Variants in FER1L5 observed in about 807,000 individuals in gnomAD.
FER1L5 encodes fer-1 like family member 5.
FER1L5 carries 187 observed loss-of-function variants against 279.9 expected under a neutral mutation model. The observed-to-expected ratio is 0.67, with a 90% CI of 0.59 to 0.75. FER1L5 has a LOEUF of 0.75. FER1L5 is among the 30% of genes least tolerant of loss of function. The probability of loss-of-function intolerance (pLI) is 0.00; values close to 1 mark genes in which losing one functional copy is unlikely to be tolerated. For synonymous variants in FER1L5, 921 were observed against 989.7 expected, an observed-to-expected ratio of 0.93 and a Z score of 1.30; for missense variants, 2,091 against 2,594.4, an observed-to-expected ratio of 0.81 and a Z score of 4.21.
chr2:96,658,111 G>A (rs2075671391), intron 9 of FER1L5, among the ~76,000 whole-genome samples: 1 of 151,766 alleles, frequency 6.6e-6, no homozygotes, highest in Admixed American at 6.6e-5. Flanking sequence ...CCCCCTCCTG[G>A]GTTCACATGA....
At chr2:96,664,627 A>G (rs756286590) in intron 14 of FER1L5, among the ~76,000 whole-genome samples, 5 of 152,200 alleles carry the variant, frequency 3.3e-5, no homozygotes, top group African/African-American at 4.8e-5. Flanking sequence ...GGCTGTTACA[A>G]TGAAGCTGTA....
chr2:96,659,290 T>TGCCTGCCTGCCTGCCTTCC (rs2075732527), intron 9 of FER1L5, among the ~76,000 whole-genome samples: 6 of 80,942 alleles, frequency 7.4e-5, no homozygotes, highest in African/African-American at 2.5e-4. Flanking sequence ...TTTATCAAGC[T>TGCCTGCCTGCCTGCCTTCC]TTCCTTCCTT....
At chr2:96,659,501 C>CT (rs1323466595) in intron 9 of FER1L5, among the ~76,000 whole-genome samples, 1 of 47,780 alleles carries the variant, frequency 2.1e-5, no homozygotes, top group Non-Finnish European at 3.3e-5. Flanking sequence ...TTCTTTCTTT[C>CT]TTTCTTTCGA....
At chr2:96,654,174 G>A (rs552589764) in intron 8 of FER1L5, 15 of 332,908 alleles carry the variant, frequency 4.5e-5, no homozygotes, top group African/African-American at 2.5e-4. Flanking sequence ...AATGGATAAC[G>A]TTGAGTGCAA....
Position 96,691,526 on chromosome 2 carries a change from C to T in FER1L5, c.2989C>T (p.Arg997Trp), listed in dbSNP as rs954217634. Residue 997 changes from arginine to tryptophan, a missense_variant, in exon 29 of 53, where the codon CGG (arginine) becomes TGG (tryptophan). Physicochemically the swap from Arg to Trp is moderately radical, Grantham distance 101 (BLOSUM62 -3). Transcript: ENST00000624922. The surrounding 1 kb of genome is among the most constrained non-coding windows in gnomAD (Gnocchi z 6.0). ...KFHLNPQPQSRFRRRCWRRRL... is the reference protein window; with the variant it reads ...KFHLNPQPQSWFRRRCWRRRL... Reference sequence around the variant, plus strand: ...CCACCTCAACCCTCAGCCCCAGAGCCGGTTCCGCCGCCGCTGCTGGCGCCG... The same window carrying T: ...CCACCTCAACCCTCAGCCCCAGAGCTGGTTCCGCCGCCGCTGCTGGCGCCG... 48 of 1,550,114 alleles carry T rather than the reference C, an allele frequency of 3.1e-5. No individual in the cohort carries two copies. The highest frequency in any genetic ancestry group is 4.1e-5 in the African/African-American group (3 of 73,000).
intron 19 of FER1L5, among the ~76,000 whole-genome samples, chr2:96,676,879 C>T (rs376940617): frequency 1.3e-5 from 2 of 151,896 alleles, no homozygotes; most frequent in African/African-American, 4.8e-5. Context: ...ATTTTTGGGA[C>T]GGAGTCTCAC....
chr2:96,696,164 C>G, intron 37 of FER1L5, 87 bp downstream of exon 37: 3 of 1,556,960 alleles, frequency 1.9e-6, no homozygotes, highest in Non-Finnish European at 2.6e-6. Context: ...ATTAAACAGT[C>G]TGGATACCCG....
chr2:96,698,819 A>G lies in FER1L5; in HGVS notation c.4505A>G (p.Asp1502Gly). ...CGAGCCATCAACCTGCAGCCCCAGG[A>G]CTACAATGGCCTGGTAAAGAACAGT... ...MVRAINLQPQDYNGLCDPYVI... is the reference protein window; with the variant it reads ...MVRAINLQPQGYNGLCDPYVI... The change falls in exon 41 of 53, where the codon GAC becomes GGC. Residue 1502 changes from aspartate (D) to glycine (G), a missense_variant. Coordinates refer to ENST00000624922, the MANE Select transcript of FER1L5 (RefSeq NM_001293083.2). The surrounding 1 kb of genome is among the most constrained non-coding windows in gnomAD (Gnocchi z 5.5). 1 of 1,562,478 alleles carries G rather than the reference A, an allele frequency of 6.4e-7. No homozygotes were observed. Among genetic ancestry groups the G allele is most frequent in the Non-Finnish European group, 8.7e-7 (1 of 1,153,502 alleles).
chr2:96,672,732 G>A (rs1217324467), intron 18 of FER1L5, among the ~76,000 whole-genome samples: 1 of 152,070 alleles, frequency 6.6e-6, no homozygotes, highest in Non-Finnish European at 1.5e-5. Flanking sequence ...TCTTCTGGGG[G>A]AAAGGGTTTA....
chr2:96,647,153 A>C lies in FER1L5; in HGVS notation c.228A>C (p.Glu76Asp). ...TLQDMGSQKKERFIGLATVLL... is the reference protein window; with the variant it reads ...TLQDMGSQKKDRFIGLATVLL... ...AGGACATGGGCTCACAAAAGAAAGA[A>C]AGGTGAGGCAGAGAGAGGCAGGAGG... Residue 76 changes from glutamate (E) to aspartate (D), a missense_variant and splice_region_variant, in exon 3 of 53, where the codon GAA (glutamate) becomes GAC (aspartate). Physicochemically the swap from Glu to Asp is conservative, Grantham distance 45. Coordinates refer to ENST00000624922, the MANE Select transcript of FER1L5 (RefSeq NM_001293083.2). 1.3e-6 allele frequency: 2 copies of C among 1,551,652 alleles called. No individual in the cohort carries two copies. The highest frequency in any genetic ancestry group is 1.7e-6 in the Non-Finnish European group (2 of 1,146,960).
At chr2:96,703,754 G>T in intron 51 of FER1L5, 122 bp downstream of exon 51, 2 of 741,750 alleles carry the variant, frequency 2.7e-6, no homozygotes, top group Non-Finnish European at 2.2e-6. Flanking sequence ...TCTGTGCTCA[G>T]TTACAATCAG....
intron 9 of FER1L5, among the ~76,000 whole-genome samples, chr2:96,657,919 G>T (rs576098885): frequency 3.9e-5 from 6 of 152,270 alleles, no homozygotes; most frequent in East Asian, 3.9e-4. Flanking sequence ...AAACATTTGT[G>T]TACAAATCTG....
At chr2:96,655,142 G>A (rs913809615) in intron 9 of FER1L5, among the ~76,000 whole-genome samples, 2 of 152,144 alleles carry the variant, frequency 1.3e-5, no homozygotes, top group African/African-American at 4.8e-5. Flanking sequence ...TCTGCCTCCA[G>A]GAAGTAGAAG....
Position 96,689,198 on chromosome 2 carries a change from G to A in FER1L5, c.2362-15G>A. ...CTAGAGGAGGCGGCCGCCCTGACAA[G>A]CTTCCCTCCCCTAGTATGAGAATCA... On this transcript the variant is annotated splice_polypyrimidine_tract_variant and intron_variant, in intron 24 of 52. Transcript: ENST00000624922. The surrounding 1 kb of genome is among the most constrained non-coding windows in gnomAD (Gnocchi z 4.6). The A allele has an allele frequency of 1.3e-6, 2 of 1,548,996 alleles. No homozygotes were observed. Among genetic ancestry groups the A allele is most frequent in the African/African-American group, 2.7e-5 (2 of 73,040 alleles).
chr2:96,703,194 C>T lies in FER1L5; in HGVS notation c.5539C>T (p.Arg1847Trp), dbSNP rs895822949. 4.3e-6 allele frequency: 7 copies of T among 1,613,290 alleles called. No homozygotes were observed. Among genetic ancestry groups the T allele is most frequent in the South Asian group, 2.2e-5 (2 of 90,960 alleles). The change falls in exon 50 of 53, where the codon CGG becomes TGG. Residue 1847 changes from arginine to tryptophan, a missense_variant. By Grantham distance (101) the Arg-to-Trp change is moderately radical. Transcript: ENST00000624922. ...LDLSDMPLPA[R>W]HAKQCSIRMM... ...TTTGTCTGACATGCCCCTCCCGGCT[C>T]GGCACGCCAAGCAGTGCTCCATCAG...
At chr2:96,681,681 A>G (rs1025016722) in intron 19 of FER1L5, among the ~76,000 whole-genome samples, 9 of 152,294 alleles carry the variant, frequency 5.9e-5, no homozygotes, top group African/African-American at 2.2e-4. Context: ...GGGTATAGTC[A>G]TAGCTCATTC....
chr2:96,673,126 G>A lies in FER1L5; in HGVS notation c.1541G>A (p.Cys514Tyr). 1 of 1,551,568 alleles carries A rather than the reference G, an allele frequency of 6.4e-7. No individual in the cohort carries two copies. Among genetic ancestry groups the A allele is most frequent in the African/African-American group, 1.4e-5 (1 of 73,116 alleles). ...GGGCTGTGCGTCATCTTCCTTTCCT[G>A]TACCATGATGCCCAACTTTAAAGAG... ...KYGLCVIFLS[C>Y]TMMPNFKELI... The change falls in exon 19 of 53, where the codon TGT becomes TAT. Residue 514 changes from cysteine to tyrosine, a missense_variant. Physicochemically the swap from Cys to Tyr is radical, Grantham distance 194. Transcript: ENST00000624922.
intron 19 of FER1L5, among the ~76,000 whole-genome samples, chr2:96,676,016 C>G (rs2076497996): frequency 6.6e-6 from 1 of 152,126 alleles, no homozygotes; most frequent in Non-Finnish European, 1.5e-5. Context: ...CTGTTTCATT[C>G]TACAAGCTTT....
At chr2:96,687,771 C>T (rs750572263) in intron 23 of FER1L5, 45 bp from the exon 24 acceptor site, 1 of 1,545,990 alleles carries the variant, frequency 6.5e-7, no homozygotes, top group Admixed American at 2.0e-5. Context: ...GGGTGGCGTT[C>T]AGGGTGTTTA....
Sources: allele counts gnomAD v4.1 joint callset (sites outside exome capture counted in the v4.1 genomes callset), GRCh38; gene constraint gnomAD v4.1.1; non-coding constraint Gnocchi (gnomAD v3.1); transcripts MANE v1.5; gene names NCBI Gene and HGNC (gene_info 2026-07-23, HGNC 2026-07-21).